BCAS3: variants seen among roughly 807,000 people sequenced by gnomAD.
BCAS3 encodes BCAS4/BCAS3 fusion.
Under a neutral mutation model 116.1 loss-of-function variants are expected in BCAS3, and 53 were observed. That is an observed-to-expected ratio of 0.46 (90% CI 0.37 to 0.57). The LOEUF (loss-of-function observed/expected upper bound fraction) is 0.57. Among genes scored for constraint, BCAS3 ranks in the 20% least tolerant of loss-of-function variants. The pLI, the probability that BCAS3 is intolerant of heterozygous loss-of-function variation, is 0.00. For synonymous variants in BCAS3, 391 were observed against 408.2 expected, an observed-to-expected ratio of 0.96 and a Z score of 0.51; for missense variants, 917 against 1,165.4, an observed-to-expected ratio of 0.79 and a Z score of 3.10.
intron 22 of BCAS3, among the ~76,000 whole-genome samples, chr17:61,340,870 A>G (rs1048401273): frequency 4.6e-5 from 7 of 152,236 alleles, no homozygotes; most frequent in Non-Finnish European, 8.8e-5. Context: ...GCAGAGAACC[A>G]GAAGGAGAAG....
intron 15 of BCAS3, among the ~76,000 whole-genome samples, chr17:61,011,436 A>T (rs191811891): frequency 6.6e-6 from 1 of 152,172 alleles, no homozygotes; most frequent in African/African-American, 2.4e-5. Flanking sequence ...TAAAGTTATC[A>T]AGTCTAACCT....
intron 6 of BCAS3, among the ~76,000 whole-genome samples, chr17:60,784,297 ATT>A (rs777660468): frequency 0.031 from 3,549 of 114,626 alleles, 101 homozygotes; most frequent in African/African-American, 0.12. Flanking sequence ...AATGAAACAA[ATT>A]TTTTTTTTTT....
At chr17:60,801,938 G>A (rs1194758457) in intron 6 of BCAS3, among the ~76,000 whole-genome samples, 2 of 151,908 alleles carry the variant, frequency 1.3e-5, no homozygotes, top group Admixed American at 6.6e-5. Context: ...TCAATTTCTT[G>A]TGTGTAAAAA....
At chr17:61,318,250 A>G (rs1427143889) in intron 22 of BCAS3, among the ~76,000 whole-genome samples, 2 of 152,238 alleles carry the variant, frequency 1.3e-5, no homozygotes, top group African/African-American at 4.8e-5. Context: ...GCCCAAAGTT[A>G]CTGAGGGTTC....
chr17:60,744,695 C>A (rs1293748988), intron 5 of BCAS3, among the ~76,000 whole-genome samples: 6 of 151,418 alleles, frequency 4.0e-5, no homozygotes, highest in Non-Finnish European at 8.8e-5. Flanking sequence ...TTCCTCTGCT[C>A]CCCCCAACCC....
chr17:61,357,060 T>G (rs942427297), intron 22 of BCAS3: 1 of 151,742 alleles, frequency 6.6e-6, no homozygotes, highest in African/African-American at 2.4e-5. Flanking sequence ...GGCATTTTTT[T>G]GTCTCTCGAC....
At chr17:60,853,759 T>C (rs2053394818) in intron 7 of BCAS3, among the ~76,000 whole-genome samples, 1 of 152,242 alleles carries the variant, frequency 6.6e-6, no homozygotes, top group Admixed American at 6.5e-5. Context: ...TTAAACATAC[T>C]GTTTTCTTAT....
intron 14 of BCAS3, among the ~76,000 whole-genome samples, chr17:60,975,492 C>T (rs908490101): frequency 2.6e-5 from 4 of 152,234 alleles, no homozygotes; most frequent in African/African-American, 9.6e-5. Flanking sequence ...ACTTCACTTT[C>T]AGGAAACTGG....
chr17:61,305,822 G>A (rs2144758427), intron 22 of BCAS3, among the ~76,000 whole-genome samples: 1 of 152,300 alleles, frequency 6.6e-6, no homozygotes, highest in Middle Eastern at 3.4e-3. Context: ...CTTGAACCTG[G>A]TAGGTGGAGG....
chr17:60,980,230 G>A (rs1241544030), intron 14 of BCAS3, among the ~76,000 whole-genome samples: 2 of 152,134 alleles, frequency 1.3e-5, no homozygotes, highest in Non-Finnish European at 2.9e-5. Context: ...TTTCTAAGTG[G>A]CTACACCATT....
chr17:60,839,456 C>T (rs896370074), intron 7 of BCAS3, among the ~76,000 whole-genome samples: 5 of 152,090 alleles, frequency 3.3e-5, no homozygotes, highest in African/African-American at 7.2e-5. Flanking sequence ...CCCCTTTGTG[C>T]CTGGTTACCT....
At chr17:60,728,303 A>G (rs1180188217) in intron 5 of BCAS3, among the ~76,000 whole-genome samples, 3 of 151,764 alleles carry the variant, frequency 2.0e-5, no homozygotes, top group Non-Finnish European at 4.4e-5. Context: ...TTTTCCATGT[A>G]GTTGGAATCA....
rs562003851 is a variant in BCAS3 at position 61,315,410 on chromosome 17, C to T, written c.2426-52917C>T. Among the ~76,000 whole-genome samples, 132 of 152,302 alleles carry T rather than the reference C, an allele frequency of 8.7e-4. No homozygotes were observed. The highest frequency in any genetic ancestry group is 2.8e-3 in the African/African-American group (117 of 41,572). ...CTGGGATTACAGGTGTGAGCCACCG[C>T]GCCCAGCCAACGCACTCCTGTTCTG... On this transcript the variant is annotated intron_variant, in intron 22 of 23. Transcript: ENST00000407086. This position sits in a 1 kb window ranked among gnomAD's most constrained non-coding sequence, Gnocchi z 5.3.
In BCAS3 at chr17:61,136,707, G is replaced by A. The variant is rs549468114; in HGVS notation, c.2425+52143G>A. Among the ~76,000 whole-genome samples, 1 of 152,276 alleles carries A rather than the reference G, an allele frequency of 6.6e-6. No homozygotes were observed. Among genetic ancestry groups the A allele is most frequent in the East Asian group, 1.9e-4 (1 of 5,178 alleles). ...CCTGAGTAGCTGGGATTACAGGTGT[G>A]TGCCACCACACGCAGCTAATTTTGC... On this transcript the variant is annotated intron_variant, in intron 22 of 23. Transcript: ENST00000407086. The surrounding 1 kb of genome is among the most constrained non-coding windows in gnomAD (Gnocchi z 4.4).
intron 5 of BCAS3, among the ~76,000 whole-genome samples, chr17:60,714,913 C>G (rs2038385745): frequency 2.0e-5 from 3 of 152,110 alleles, no homozygotes; most frequent in African/African-American, 7.2e-5. Context: ...CCAGATGTAA[C>G]ATAGAATGAT....
chr17:61,341,370 G>C (rs1302606020), intron 22 of BCAS3, among the ~76,000 whole-genome samples: 3 of 152,188 alleles, frequency 2.0e-5, no homozygotes, highest in South Asian at 4.1e-4. Flanking sequence ...AGGAGAGCCT[G>C]GTATTTCCCC....
intron 13 of BCAS3, among the ~76,000 whole-genome samples, chr17:60,939,323 C>G (rs998042405): frequency 6.6e-6 from 1 of 152,024 alleles, no homozygotes. Context: ...ATCCCAGCTA[C>G]TCAGGAGGCT....
chr17:60,734,179 A>G (rs2040739671), intron 5 of BCAS3, among the ~76,000 whole-genome samples: 1 of 152,172 alleles, frequency 6.6e-6, no homozygotes, highest in Non-Finnish European at 1.5e-5. Flanking sequence ...CCAGGCTTCT[A>G]TTACCCAGTA....
intron 22 of BCAS3, among the ~76,000 whole-genome samples, chr17:61,341,911 C>A (rs1043001765): frequency 2.0e-5 from 3 of 152,226 alleles, no homozygotes; most frequent in Admixed American, 6.5e-5. Flanking sequence ...TAAGAAAGTT[C>A]CGAGGCCACA....
Sources: allele counts gnomAD v4.1 joint callset (sites outside exome capture counted in the v4.1 genomes callset), GRCh38; gene constraint gnomAD v4.1.1; non-coding constraint Gnocchi (gnomAD v3.1); transcripts MANE v1.5; gene names NCBI Gene and HGNC (gene_info 2026-07-23, HGNC 2026-07-21).